Variants in TEX14 observed in about 807,000 individuals in gnomAD.
The protein encoded by TEX14 is testis expressed 14, intercellular bridge forming factor, also known as inactive serine/threonine-protein kinase TEX14.
TEX14 carries 168 observed loss-of-function variants against 178.6 expected under a neutral mutation model. The ratio of observed to expected loss-of-function variants is 0.94; its 90% CI spans 0.83 to 1.07. The LOEUF is 1.07. Among genes scored for constraint, TEX14 ranks in the 50% least tolerant of loss-of-function variants. The probability of loss-of-function intolerance (pLI) is 0.00; values close to 1 mark genes in which losing one functional copy is unlikely to be tolerated. For synonymous variants in TEX14, 626 were observed against 634.1 expected (o/e 0.99, Z 0.19); for missense variants, 1,730 against 1,753.6 (o/e 0.99, Z 0.24).
Position 58,638,755 on chromosome 17 carries a change from G to A in TEX14, c.137-8201C>T, listed in dbSNP as rs146060760. Among the ~76,000 whole-genome samples, 341 of 151,816 alleles carry A rather than the reference G, an allele frequency of 2.2e-3. 2 individuals are homozygous for A. Among genetic ancestry groups the A allele is most frequent in the Middle Eastern group, 0.017 (5 of 292 alleles). ...GGGTTTCTCCATGTTGGTCAGGCTG[G>A]TCTTGAACTCCTGACCTCAGGTGAT... On this transcript the variant is annotated intron_variant, in intron 2 of 31. Coordinates refer to ENST00000349033, the MANE Select transcript of TEX14 (RefSeq NM_031272.5).
intron 10 of TEX14, among the ~76,000 whole-genome samples, chr17:58,606,466 T>A (rs1175759722): frequency 6.6e-6 from 1 of 152,178 alleles, no homozygotes; most frequent in African/African-American, 2.4e-5. Context: ...CTTCTCAGAC[T>A]TTGAGCAAAC....
At chr17:58,590,616 C>T (rs1000165397) in intron 15 of TEX14, among the ~76,000 whole-genome samples, 8 of 151,960 alleles carry the variant, frequency 5.3e-5, no homozygotes, top group African/African-American at 1.5e-4. Flanking sequence ...AATGCAGTGG[C>T]ATAATCATGG....
At chr17:58,657,064 C>A (rs186717745) in intron 1 of TEX14, among the ~76,000 whole-genome samples, 507 of 152,042 alleles carry the variant, frequency 3.3e-3, no homozygotes, top group Non-Finnish European at 5.7e-3. Flanking sequence ...CTGCCTCAGG[C>A]TCCCAAAGTT....
chr17:58,686,499 G>A (rs1009307093), intron 1 of TEX14, among the ~76,000 whole-genome samples: 14 of 152,134 alleles, frequency 9.2e-5, no homozygotes, highest in African/African-American at 2.9e-4. Flanking sequence ...GCATCTGGAC[G>A]GCAGAGGGTC....
intron 1 of TEX14, among the ~76,000 whole-genome samples, chr17:58,669,530 T>C (rs1318417320): frequency 6.6e-6 from 1 of 151,530 alleles, no homozygotes; most frequent in Non-Finnish European, 1.5e-5. Flanking sequence ...GGTCAGGAGT[T>C]CGAAACCAGC....
At chr17:58,629,636 C>T (rs889447687) in intron 3 of TEX14, among the ~76,000 whole-genome samples, 2 of 151,570 alleles carry the variant, frequency 1.3e-5, no homozygotes, top group Admixed American at 1.3e-4. Flanking sequence ...CATCCTGAGA[C>T]CAACCTGGCT....
chr17:58,618,094 CCTAA>C (rs796868994), intron 5 of TEX14, among the ~76,000 whole-genome samples: 9 of 152,288 alleles, frequency 5.9e-5, no homozygotes, highest in African/African-American at 1.4e-4. Context: ...TGAATACAGC[CCTAA>C]CTAACATCTT....
rs138823742 is a variant in TEX14 at position 58,585,976 on chromosome 17, G to C, written c.2895C>G (p.Pro965=). 8.4e-5 allele frequency: 136 copies of C among 1,613,860 alleles called. No homozygotes were observed. Among genetic ancestry groups the C allele is most frequent in the Middle Eastern group, 1.6e-4 (1 of 6,084 alleles). The change falls in exon 18 of 32, where the codon CCC becomes CCG. Residue 965 remains proline, a synonymous_variant. Coordinates refer to ENST00000349033, the MANE Select transcript of TEX14 (RefSeq NM_031272.5). The part of the protein sequence containing the change: ...LTLESEAENE[P]DALLQPPIRS... ...TAATGGGGGGCTGCAGCAGGGCGTCGGGCTCATTTTCAGCCTCGCTCTCTA... is the reference window on the plus strand; with the variant it reads ...TAATGGGGGGCTGCAGCAGGGCGTCCGGCTCATTTTCAGCCTCGCTCTCTA...
Position 58,574,302 on chromosome 17 carries a change from C to A in TEX14, c.3321-53G>T, listed in dbSNP as rs1411969771. On this transcript the variant is annotated intron_variant, in intron 21 of 31. Coordinates refer to ENST00000349033, the MANE Select transcript of TEX14 (RefSeq NM_031272.5). ...ATAAATCCCCTCTGTGAACAAAGTA[C>A]ACTAACTACTTGCTACAAGGAACCA... is the stretch of plus-strand genomic sequence containing the variant. The A allele has an allele frequency of 5.0e-6, 7 of 1,386,270 alleles. No individual in the cohort carries two copies. In the African/African-American group the frequency reaches 9.9e-5, roughly 20 times the overall value. 85.9% of individuals were successfully genotyped at this position (1,386,270 alleles called of 1,614,324 possible).
intron 1 of TEX14, among the ~76,000 whole-genome samples, chr17:58,687,080 C>T (rs2047613769): frequency 6.6e-6 from 1 of 151,868 alleles, no homozygotes; most frequent in Non-Finnish European, 1.5e-5. Context: ...CAGCATTCCA[C>T]TGGAGGCTCT....
intron 9 of TEX14, 25 bp from the exon 10 acceptor site, chr17:58,611,364 C>T (rs759384580): frequency 1.1e-5 from 17 of 1,557,096 alleles, no homozygotes; most frequent in Non-Finnish European, 1.3e-5. Flanking sequence ...TGAAATGCCA[C>T]GAAAAAAAAA....
chr17:58,636,249 G>T (rs2046431475), intron 2 of TEX14, among the ~76,000 whole-genome samples: 1 of 152,128 alleles, frequency 6.6e-6, no homozygotes, highest in African/African-American at 2.4e-5. Context: ...CCCATGTTGT[G>T]GCTGCTATAA....
intron 1 of TEX14, among the ~76,000 whole-genome samples, chr17:58,655,942 T>C (rs1237544504): frequency 6.6e-6 from 1 of 152,196 alleles, no homozygotes; most frequent in African/African-American, 2.4e-5. Context: ...GTAAACTCTT[T>C]GAGGGTCCTG....
chr17:58,584,309 G>A (rs2044898339), intron 19 of TEX14, among the ~76,000 whole-genome samples, 191 bp downstream of exon 19: 2 of 152,152 alleles, frequency 1.3e-5, no homozygotes, highest in South Asian at 4.1e-4. Flanking sequence ...TCATTGAGTT[G>A]AACTGACTTT....
At chr17:58,572,847 T>C (rs545087570) in intron 23 of TEX14, among the ~76,000 whole-genome samples, 2 of 152,298 alleles carry the variant, frequency 1.3e-5, no homozygotes, top group Admixed American at 6.5e-5. Flanking sequence ...AAGAACTATA[T>C]AAAGTTTAAG....
chr17:58,595,021 G>C (rs1478971064), intron 14 of TEX14, among the ~76,000 whole-genome samples: 4 of 152,086 alleles, frequency 2.6e-5, no homozygotes, highest in Admixed American at 2.0e-4. Flanking sequence ...CTTTGTATGG[G>C]CAAACACTCC....
intron 29 of TEX14, among the ~76,000 whole-genome samples, chr17:58,559,908 G>T (rs1484003299): frequency 6.6e-6 from 1 of 151,996 alleles, no homozygotes; most frequent in Non-Finnish European, 1.5e-5. Flanking sequence ...ATGCTATACT[G>T]CTCCAAAGGA....
Position 58,621,760 on chromosome 17 carries a change from G to A in TEX14, c.444C>T (p.Ala148=), listed in dbSNP as rs757776821. The part of the protein sequence containing the change: ...TQIVEFMQRC[A]SHMQAIIQGF... ...CCTGGATGATGGCCTGCATGTGTGA[G>A]GCACAGCGCTGCATGAACTCCACTA... The change falls in exon 5 of 32, where the codon GCC becomes GCT. Residue 148 remains alanine (A), a synonymous_variant. Transcript: ENST00000349033. 5.0e-6 allele frequency: 8 copies of A among 1,614,124 alleles called. No homozygotes were observed. The Admixed American group carries it at 1.3e-4, about 27-fold the overall frequency.
At chr17:58,574,661 T>C (rs1014507946) in intron 21 of TEX14, among the ~76,000 whole-genome samples, 21 of 107,696 alleles carry the variant, frequency 1.9e-4, no homozygotes, top group African/African-American at 6.9e-4. Context: ...GCAGCAAGAA[T>C]GAGACTCCAT....
Sources: allele counts gnomAD v4.1 joint callset (sites outside exome capture counted in the v4.1 genomes callset), GRCh38; gene constraint gnomAD v4.1.1; transcripts MANE v1.5; gene names NCBI Gene and HGNC (gene_info 2026-07-23, HGNC 2026-07-21).